IL2RA: variants seen among roughly 807,000 people sequenced by gnomAD.
IL2RA encodes interleukin 2 receptor subunit alpha.
In IL2RA, 24 loss-of-function variants were observed where a neutral mutation model predicts 37.8. The ratio of observed to expected loss-of-function variants is 0.63; its 90% CI spans 0.46 to 0.89. IL2RA has a LOEUF of 0.89. Ranked by LOEUF, IL2RA falls within the 40% of genes least tolerant of loss-of-function variation. The pLI, the probability that IL2RA is intolerant of heterozygous loss-of-function variation, is 0.00. For missense variants in IL2RA, 319 were observed against 348.6 expected (o/e 0.92, Z 0.68); for synonymous variants, 125 against 114.6 (o/e 1.09, Z -0.58).
chr10:6,012,890 C>T lies in IL2RA; in HGVS notation c.801G>A (p.Lys267=), dbSNP rs1839211428. The change falls in exon 8 of 8, where the codon AAG becomes AAA. Residue 267 remains lysine (K), a synonymous_variant. Transcript: ENST00000379959. This position sits in a 1 kb window ranked among gnomAD's most constrained non-coding sequence, Gnocchi z 4.8. ...SGLTWQRRQR[K]SRRTI ...TGGTTTTCTAGATTGTTCTTCTACT[C>T]TTCCTCCTGTAGTGGTGTAACAAAG... 1.2e-6 allele frequency: 2 copies of T among 1,614,118 alleles called. No homozygotes were observed. Among genetic ancestry groups the T allele is most frequent in the South Asian group, 2.2e-5 (2 of 91,080 alleles).
rs1358927924 is a variant in IL2RA at position 6,046,684 on chromosome 10, A to G, written c.64+15404T>C. On this transcript the variant is annotated intron_variant, in intron 1 of 7. Transcript: ENST00000379959. The surrounding 1 kb of genome is among the most constrained non-coding windows in gnomAD (Gnocchi z 4.8). The stretch of plus-strand genomic sequence containing the variant: ...ATGCTGAGAGGAAATACAGGCTTGC[A>G]TTTCTCCAGAGTTCCTTGAAAGCAT... Among the ~76,000 whole-genome samples the G allele has an allele frequency of 2.0e-5, 3 of 152,200 alleles. No individual in the cohort carries two copies. The highest frequency in any genetic ancestry group is 7.2e-5 in the African/African-American group (3 of 41,428).
At position 6,046,464 on chromosome 10, in the gene IL2RA, ATTG is replaced by A. The variant is rs1305219276; in HGVS notation, c.64+15621_64+15623del. Among the ~76,000 whole-genome samples the A allele has an allele frequency of 6.6e-6, 1 of 152,176 alleles. No individual in the cohort carries two copies. The highest frequency in any genetic ancestry group is 2.4e-5 in the African/African-American group (1 of 41,432). ...ACAATGACATTTCAGGCACTGTGGG[ATTG>A]ATGGAGTGGACAGCATAGAGCAGAG... On this transcript the variant is annotated intron_variant, in intron 1 of 7. Transcript: ENST00000379959. This position sits in a 1 kb window ranked among gnomAD's most constrained non-coding sequence, Gnocchi z 4.8.
rs145428184 is a variant in IL2RA, at chr10:6,019,882, C to T, written c.643G>A (p.Val215Ile). 39 of 1,613,968 alleles carry T rather than the reference C, an allele frequency of 2.4e-5. No individual in the cohort carries two copies. Among genetic ancestry groups the T allele is most frequent in the Middle Eastern group, 1.6e-4 (1 of 6,084 alleles). ...GRPESETSCL[V>I]TTTDFQIQTE... ...TCTTCTCCCGCACCTGTTGTTGTGA[C>T]GAGGCAGGAAGTCTCACTCTCAGGA... is the stretch of plus-strand genomic sequence containing the variant. The change falls in exon 5 of 8, where the codon GTC becomes ATC. Residue 215 changes from valine to isoleucine, a missense_variant. Val to Ile is a conservative substitution (Grantham distance 29). Coordinates refer to ENST00000379959, the MANE Select transcript of IL2RA (RefSeq NM_000417.3).
At chr10:6,017,935 C>A (rs7899538) in intron 7 of IL2RA, 118 bp downstream of exon 7, 102,421 of 791,480 alleles carry the variant, frequency 0.13, 7,632 homozygotes, top group East Asian at 0.22. Flanking sequence ...TCTCCCTTTG[C>A]CACTCCCTGA....
chr10:6,024,175 A>C, intron 3 of IL2RA, 69 bp downstream of exon 3: 1 of 1,004,346 alleles, frequency 1.0e-6, no homozygotes, highest in Non-Finnish European at 1.6e-6. Context: ...TCCTTTGGGT[A>C]CACATCATCT....
intron 1 of IL2RA, among the ~76,000 whole-genome samples, chr10:6,041,392 G>T (rs1336072811): frequency 6.6e-6 from 1 of 152,090 alleles, no homozygotes; most frequent in Non-Finnish European, 1.5e-5. Context: ...TGGGATTACA[G>T]GGGGGAGCCA....
intron 1 of IL2RA, among the ~76,000 whole-genome samples, chr10:6,050,667 G>A (rs995268516): frequency 4.6e-5 from 7 of 152,132 alleles, no homozygotes; most frequent in Admixed American, 3.9e-4. Context: ...TTGGGGTGGG[G>A]GAATAGTGCT....
intron 1 of IL2RA, among the ~76,000 whole-genome samples, chr10:6,061,723 G>A (rs1420753127): frequency 6.6e-6 from 1 of 152,154 alleles, no homozygotes; most frequent in African/African-American, 2.4e-5. Context: ...TAGTTGGGGG[G>A]TGGGAGTGCA....
At chr10:6,017,572 ATTTTTTTT>A (rs71390109) in intron 7 of IL2RA, among the ~76,000 whole-genome samples, 1 of 104,860 alleles carries the variant, frequency 9.5e-6, no homozygotes, top group Admixed American at 1.1e-4. Flanking sequence ...TGGTCGTTTA[ATTTTTTTT>A]TTTTTTTTTT....
rs757389911 is a variant in IL2RA at position 6,019,876 on chromosome 10, T to C, written c.649A>G (p.Thr217Ala). ...PESETSCLVTTTDFQIQTEMA... is the reference protein window; with the variant it reads ...PESETSCLVTATDFQIQTEMA... ...CGTTTGTCTTCTCCCGCACCTGTTG[T>C]TGTGACGAGGCAGGAAGTCTCACTC... Residue 217 changes from threonine to alanine, a missense_variant, in exon 5 of 8, where the codon ACA becomes GCA. By Grantham distance (58) the Thr-to-Ala change is moderately conservative (BLOSUM62 0). Transcript: ENST00000379959. 15 of 1,613,980 alleles carry C rather than the reference T, an allele frequency of 9.3e-6. No individual in the cohort carries two copies. Among genetic ancestry groups the C allele is most frequent in the Admixed American group, 1.7e-5 (1 of 60,010 alleles).
At position 6,025,183 on chromosome 10, in the gene IL2RA, A is replaced by G. The variant is rs1175588758; in HGVS notation, c.256+651T>C. Among the ~76,000 whole-genome samples the G allele has an allele frequency of 6.6e-6, 1 of 151,868 alleles. No homozygotes were observed. The highest frequency in any genetic ancestry group is 1.5e-5 in the Non-Finnish European group (1 of 67,966). On this transcript the variant is annotated intron_variant, in intron 2 of 7. Transcript: ENST00000379959. The surrounding 1 kb of genome is among the most constrained non-coding windows in gnomAD (Gnocchi z 4.4). ...AGCCTGGCCAACATGGCGAAACCCC[A>G]TCTTTGCTAAAAATAAAAAAATTAG...
At chr10:6,013,555 C>G (rs947846524) in intron 7 of IL2RA, among the ~76,000 whole-genome samples, 1 of 152,174 alleles carries the variant, frequency 6.6e-6, no homozygotes, top group African/African-American at 2.4e-5. Context: ...TAACAAGCAG[C>G]TCTCTGATGA....
intron 1 of IL2RA, among the ~76,000 whole-genome samples, chr10:6,038,083 A>C (rs772503993): frequency 8.5e-5 from 13 of 152,186 alleles, no homozygotes; most frequent in Non-Finnish European, 1.6e-4. Flanking sequence ...ATTTAGGCCA[A>C]CCTCTACATT....
At chr10:6,052,571 C>T (rs1401232837) in intron 1 of IL2RA, among the ~76,000 whole-genome samples, 1 of 152,236 alleles carries the variant, frequency 6.6e-6, no homozygotes, top group Non-Finnish European at 1.5e-5. Context: ...CCTGTACCCT[C>T]AACCCATCAG....
At position 6,048,369 on chromosome 10, in the gene IL2RA, G is replaced by C. The variant is rs1839898910; in HGVS notation, c.64+13719C>G. On this transcript the variant is annotated intron_variant, in intron 1 of 7. Coordinates refer to ENST00000379959, the MANE Select transcript of IL2RA (RefSeq NM_000417.3). The surrounding 1 kb of genome is among the most constrained non-coding windows in gnomAD (Gnocchi z 5.3). ...GTGCCATTCATTGAGATAGCAAAGAGAGGAGAAAGAGTAGGTTCCAGGGAG... is the reference window on the plus strand; with the variant it reads ...GTGCCATTCATTGAGATAGCAAAGACAGGAGAAAGAGTAGGTTCCAGGGAG... 6.6e-6 allele frequency among the ~76,000 whole-genome samples: 1 copy of C among 152,244 alleles called. No homozygotes were observed. Among genetic ancestry groups the C allele is most frequent in the Non-Finnish European group, 1.5e-5 (1 of 68,046 alleles).
rs913450313 is a variant in IL2RA, at chr10:6,019,786, G to A, written c.655+84C>T. On this transcript the variant is annotated intron_variant, in intron 5 of 7. Coordinates refer to ENST00000379959, the MANE Select transcript of IL2RA (RefSeq NM_000417.3). ...GGCTTCTCCCCTACAGGTCACCTCCGCCTATCTCCCTGAGCCTGGCTCCTG... is the reference window on the plus strand; with the variant it reads ...GGCTTCTCCCCTACAGGTCACCTCCACCTATCTCCCTGAGCCTGGCTCCTG... The A allele has an allele frequency of 8.0e-5, 104 of 1,296,484 alleles. 1 individual carries two copies. The highest frequency in any genetic ancestry group is 7.1e-4 in the South Asian group (60 of 84,594). 80.3% of individuals were successfully genotyped at this position (1,296,484 alleles called of 1,614,324 possible).
rs1402264179 is a variant in IL2RA, at chr10:6,056,938, G to T, written c.64+5150C>A. 6.6e-6 allele frequency among the ~76,000 whole-genome samples: 1 copy of T among 152,100 alleles called. No homozygotes were observed. Among genetic ancestry groups the T allele is most frequent in the Non-Finnish European group, 1.5e-5 (1 of 68,016 alleles). On this transcript the variant is annotated intron_variant, in intron 1 of 7. Coordinates refer to ENST00000379959, the MANE Select transcript of IL2RA (RefSeq NM_000417.3). The surrounding 1 kb of genome is among the most constrained non-coding windows in gnomAD (Gnocchi z 5.0). ...CCCTGTCCAGGGCAGGAGCACAGTG[G>T]ACCACCTGCTGCCCCTGTGTCTTGG...
At position 6,019,908 on chromosome 10, in the gene IL2RA, C is replaced by A. The variant is rs774136663; in HGVS notation, c.617G>T (p.Arg206Leu). The change falls in exon 5 of 8, where the codon CGT (arginine) becomes CTT (leucine). Residue 206 changes from arginine to leucine, a missense_variant. Arg to Leu is a moderately radical substitution (Grantham distance 102). Coordinates refer to ENST00000379959, the MANE Select transcript of IL2RA (RefSeq NM_000417.3). ...GAGGCAGGAAGTCTCACTCTCAGGA[C>A]GGCCTTCGGGGCTTGCCTGAGGCTT... ...EEKPQASPEG[R>L]PESETSCLVT... 1.2e-6 allele frequency: 2 copies of A among 1,614,116 alleles called. No homozygotes were observed. Among genetic ancestry groups the A allele is most frequent in the Admixed American group, 1.7e-5 (1 of 60,018 alleles).
chr10:6,062,301 C>T lies in IL2RA; in HGVS notation c.-150G>A. The stretch of plus-strand genomic sequence containing the variant: ...TGGGCTGTCACCCTTGTGGGTCCAT[C>T]CAGTCTCTATCGGAGTCAGGAGTTG... On this transcript the variant is annotated 5_prime_UTR_variant, in exon 1 of 8. Coordinates refer to ENST00000379959, the MANE Select transcript of IL2RA (RefSeq NM_000417.3). 1 of 673,566 alleles carries T rather than the reference C, an allele frequency of 1.5e-6. No homozygotes were observed. Among genetic ancestry groups the T allele is most frequent in the Non-Finnish European group, 2.7e-6 (1 of 369,358 alleles). The allele number at this position is 673,566 out of a possible 1,614,324, so 41.7% of individuals were successfully genotyped here.
Sources: gnomAD v4.1 joint callset for allele counts (sites outside exome capture counted in the v4.1 genomes callset) on GRCh38, gnomAD v4.1.1 for gene constraint, Gnocchi (gnomAD v3.1) non-coding constraint, MANE v1.5 for transcripts, NCBI Gene and HGNC (gene_info 2026-07-23, HGNC 2026-07-21) for gene names.